Variants in GPR158 observed in about 807,000 individuals in gnomAD.
GPR158 encodes the protein G protein-coupled receptor 158.
GPR158 carries 30 observed loss-of-function variants against 78.2 expected under a neutral mutation model. The ratio of observed to expected loss-of-function variants is 0.38; its 90% CI spans 0.29 to 0.52. The LOEUF is 0.52. Among genes scored for constraint, GPR158 ranks in the 20% least tolerant of loss-of-function variants. GPR158 has a pLI of 0.83. For synonymous variants in GPR158, 581 were observed against 591.1 expected (o/e 0.98, Z 0.25); for missense variants, 1,463 against 1,523.5 (o/e 0.96, Z 0.66).
At chr10:25,495,379 G>A (rs1035359642) in intron 5 of GPR158, among the ~76,000 whole-genome samples, 7 of 131,044 alleles carry the variant, frequency 5.3e-5, no homozygotes, top group African/African-American at 1.2e-4. Flanking sequence ...TGCAAGCTCC[G>A]CCTCCCAGGT....
At chr10:25,308,468 A>G (rs577713753) in intron 2 of GPR158, among the ~76,000 whole-genome samples, 1 of 151,988 alleles carries the variant, frequency 6.6e-6, no homozygotes, top group Non-Finnish European at 1.5e-5. Flanking sequence ...CCATTACTCT[A>G]TTGCCTGTTC....
intron 2 of GPR158, among the ~76,000 whole-genome samples, chr10:25,238,848 G>C (rs1260794368): frequency 6.6e-6 from 1 of 152,136 alleles, no homozygotes; most frequent in Non-Finnish European, 1.5e-5. Context: ...AATATGTTCT[G>C]TTCAATTGCT....
chr10:25,204,888 C>G (rs1294895639), intron 1 of GPR158, among the ~76,000 whole-genome samples: 1 of 146,534 alleles, frequency 6.8e-6, no homozygotes, highest in Non-Finnish European at 1.5e-5. Context: ...TGGCTGTGTC[C>G]CCAACCAAAT....
chr10:25,279,297 T>A (rs1434945512), intron 2 of GPR158, among the ~76,000 whole-genome samples: 1 of 152,182 alleles, frequency 6.6e-6, no homozygotes, highest in Non-Finnish European at 1.5e-5. Context: ...CCTTATGAGG[T>A]TAGTGATATT....
chr10:25,543,217 T>C (rs1327630428), intron 5 of GPR158, among the ~76,000 whole-genome samples: 1 of 152,064 alleles, frequency 6.6e-6, no homozygotes, highest in African/African-American at 2.4e-5. Context: ...GCCTCCCAGG[T>C]TCGAGAAATT....
At chr10:25,332,639 TCTGA>T (rs1855142903) in intron 2 of GPR158, among the ~76,000 whole-genome samples, 1 of 152,200 alleles carries the variant, frequency 6.6e-6, no homozygotes, top group South Asian at 2.1e-4. Context: ...AGCCATACTT[TCTGA>T]CTTTCATTTC....
At chr10:25,431,900 C>T (rs6482482) in intron 4 of GPR158, among the ~76,000 whole-genome samples, 106,120 of 151,628 alleles carry the variant, frequency 0.7, 38,129 homozygotes, top group Non-Finnish European at 0.8. Context: ...ATACCTAATG[C>T]TAAATGACGA....
At chr10:25,181,468 G>T (rs1001993493) in intron 1 of GPR158, among the ~76,000 whole-genome samples, 1 of 152,090 alleles carries the variant, frequency 6.6e-6, no homozygotes, top group South Asian at 2.1e-4. Context: ...TTATATAGAG[G>T]TTTAGTTTTG....
chr10:25,445,808 G>A (rs781259651), intron 4 of GPR158, among the ~76,000 whole-genome samples: 64 of 152,194 alleles, frequency 4.2e-4, no homozygotes, highest in Middle Eastern at 3.4e-3. Flanking sequence ...GACTCTCAGA[G>A]TTCTAATTTG....
chr10:25,575,800 AAAAT>A (rs1328626737), intron 7 of GPR158, among the ~76,000 whole-genome samples: 1 of 152,080 alleles, frequency 6.6e-6, no homozygotes, highest in East Asian at 1.9e-4. Flanking sequence ...TACTTGAAAA[AAAAT>A]AAACAGGAGC....
intron 2 of GPR158, among the ~76,000 whole-genome samples, chr10:25,390,922 GGCTCC>G (rs1430273373): frequency 6.6e-6 from 1 of 152,178 alleles, no homozygotes; most frequent in Non-Finnish European, 1.5e-5. Flanking sequence ...TTCGTGGGCT[GGCTCC>G]AGGGCTCCCC....
chr10:25,378,255 C>T (rs143238207), intron 2 of GPR158, among the ~76,000 whole-genome samples: 385 of 152,218 alleles, frequency 2.5e-3, no homozygotes, highest in African/African-American at 8.8e-3. Flanking sequence ...AAGGTAACAA[C>T]TATTCTGATT....
chr10:25,496,214 C>G (rs1835878590), intron 5 of GPR158, among the ~76,000 whole-genome samples: 1 of 152,162 alleles, frequency 6.6e-6, no homozygotes, highest in African/African-American at 2.4e-5. Context: ...TTCTATCCTG[C>G]TGTGATTTCA....
chr10:25,395,955 G>A lies in GPR158; in HGVS notation c.1053G>A (p.Glu351=), dbSNP rs753940988. The A allele has an allele frequency of 2.5e-6, 4 of 1,610,062 alleles. No individual in the cohort carries two copies. The highest frequency in any genetic ancestry group is 1.7e-6 in the Non-Finnish European group (2 of 1,176,438). The change falls in exon 3 of 11, where the codon GAG becomes GAA. Residue 351 remains glutamate (E), a synonymous_variant. Transcript: ENST00000376351. The part of the protein sequence containing the change: ...KGLGFVLGAY[E]CICKAGFYHP... ...TAGGATTCGTTCTTGGAGCCTATGA[G>A]TGCATTTGCAAAGCAGGATTCTATC...
chr10:25,373,274 T>TG (rs1564436876), intron 2 of GPR158, among the ~76,000 whole-genome samples: 1 of 151,568 alleles, frequency 6.6e-6, no homozygotes, highest in Non-Finnish European at 1.5e-5. Context: ...CAACAGACAC[T>TG]GGGGCCCACT....
At chr10:25,448,060 ATGT>A (rs1040759326) in intron 4 of GPR158, among the ~76,000 whole-genome samples, 4 of 146,980 alleles carry the variant, frequency 2.7e-5, no homozygotes, top group Non-Finnish European at 6.0e-5. Flanking sequence ...CATGCAGGGG[ATGT>A]TGTCTTTTGT....
chr10:25,251,518 A>G (rs1487186370), intron 2 of GPR158, among the ~76,000 whole-genome samples: 3 of 151,604 alleles, frequency 2.0e-5, no homozygotes, highest in South Asian at 4.2e-4. Flanking sequence ...GGTGGTGACA[A>G]AATCTCTCAG....
intron 1 of GPR158, among the ~76,000 whole-genome samples, chr10:25,186,185 A>T (rs1376410744): frequency 6.6e-6 from 1 of 152,204 alleles, no homozygotes; most frequent in Admixed American, 6.5e-5. Flanking sequence ...GAGAACAAAG[A>T]CACAACATAT....
intron 5 of GPR158, among the ~76,000 whole-genome samples, chr10:25,495,237 T>A (rs1835863950): frequency 6.6e-6 from 1 of 151,456 alleles, no homozygotes; most frequent in African/African-American, 2.4e-5. Flanking sequence ...TAAAAATTCG[T>A]GGATAACTCC....
Sources: gnomAD v4.1 joint callset for allele counts (sites outside exome capture counted in the v4.1 genomes callset) on GRCh38, gnomAD v4.1.1 for gene constraint, MANE v1.5 for transcripts, NCBI Gene and HGNC (gene_info 2026-07-23, HGNC 2026-07-21) for gene names.